Variants in RALGPS1 observed in about 807,000 individuals in gnomAD.
RALGPS1 encodes the protein ras-specific guanine nucleotide-releasing factor RalGPS1.
A neutral mutation model predicts 78.8 loss-of-function variants in RALGPS1; 19 were observed. The observed-to-expected ratio is 0.24, with a 90% CI of 0.17 to 0.35. The LOEUF is 0.35. Ranked by LOEUF, RALGPS1 falls within the 10% of genes least tolerant of loss-of-function variation. The probability of loss-of-function intolerance (pLI) is 1.00; values close to 1 mark genes in which losing one functional copy is unlikely to be tolerated. For missense variants in RALGPS1, 454 were observed against 688.3 expected, an observed-to-expected ratio of 0.66 and a Z score of 3.81; for synonymous variants, 228 against 256.3, an observed-to-expected ratio of 0.89 and a Z score of 1.06.
At chr9:126,917,718 T>C (rs562369435) in intron 1 of RALGPS1, among the ~76,000 whole-genome samples, 10 of 152,238 alleles carry the variant, frequency 6.6e-5, no homozygotes, top group Non-Finnish European at 1.5e-4. Flanking sequence ...TGCCTGCCCA[T>C]CTTTCAACAC....
At chr9:127,067,250 A>G (rs1045919850) in intron 7 of RALGPS1, among the ~76,000 whole-genome samples, 3 of 152,168 alleles carry the variant, frequency 2.0e-5, no homozygotes, top group Admixed American at 6.5e-5. Context: ...GCATCTGTGT[A>G]GCATCCCCAC....
rs2060396473 is a variant in RALGPS1, at chr9:127,183,186, C to A, written c.910+8404C>A. Among the ~76,000 whole-genome samples the A allele has an allele frequency of 6.6e-6, 1 of 152,178 alleles. No homozygotes were observed. The highest frequency in any genetic ancestry group is 1.5e-5 in the Non-Finnish European group (1 of 68,032). The stretch of plus-strand genomic sequence containing the variant: ...TCACCCCACCAGGCCTCGCCTCCAA[C>A]ACTGGGAATCACATTTCAACATGAC... On this transcript the variant is annotated intron_variant, in intron 11 of 18. Transcript: ENST00000259351. The surrounding 1 kb of genome is among the most constrained non-coding windows in gnomAD (Gnocchi z 4.0).
intron 4 of RALGPS1, among the ~76,000 whole-genome samples, chr9:126,991,465 A>G (rs1441005632): frequency 6.6e-6 from 1 of 152,222 alleles, no homozygotes; most frequent in Non-Finnish European, 1.5e-5. Context: ...AATAAATAAC[A>G]CAAAACAGAG....
At chr9:127,092,346 G>A (rs867589524) in intron 8 of RALGPS1, among the ~76,000 whole-genome samples, 48 of 152,230 alleles carry the variant, frequency 3.2e-4, no homozygotes, top group Admixed American at 7.2e-4. Context: ...TGTGTGTGAG[G>A]GTCACGTGTA....
At chr9:127,184,863 T>C (rs2140263591) in intron 11 of RALGPS1, among the ~76,000 whole-genome samples, 1 of 152,348 alleles carries the variant, frequency 6.6e-6, no homozygotes, top group African/African-American at 2.4e-5. Context: ...TAATTTCTGA[T>C]GTGCGATACT....
intron 5 of RALGPS1, among the ~76,000 whole-genome samples, chr9:127,034,941 T>C (rs1440077356): frequency 5.3e-5 from 8 of 152,164 alleles, no homozygotes; most frequent in Admixed American, 4.6e-4. Context: ...TCCTCCCTGT[T>C]CAACTTCCAG....
chr9:127,108,126 C>T (rs771975009), intron 8 of RALGPS1: 10 of 1,613,670 alleles, frequency 6.2e-6, no homozygotes, highest in Non-Finnish European at 8.5e-6. Flanking sequence ...TCTGGCAGTG[C>T]TCCTCAAGCT....
At chr9:127,145,759 A>G (rs565697268) in intron 8 of RALGPS1, among the ~76,000 whole-genome samples, 15 of 152,304 alleles carry the variant, frequency 9.8e-5, no homozygotes, top group African/African-American at 3.4e-4. Flanking sequence ...TTCCTATTCA[A>G]TGAGATTTGA....
At chr9:126,933,602 G>A (rs1183141053) in intron 1 of RALGPS1, among the ~76,000 whole-genome samples, 1 of 152,176 alleles carries the variant, frequency 6.6e-6, no homozygotes, top group Non-Finnish European at 1.5e-5. Context: ...TGTGGGAGGG[G>A]AAGGCCAGGT....
At chr9:127,038,234 A>G (rs1194947766) in intron 5 of RALGPS1, among the ~76,000 whole-genome samples, 1 of 152,220 alleles carries the variant, frequency 6.6e-6, no homozygotes, top group African/African-American at 2.4e-5. Context: ...AACTTATTGA[A>G]TCAGATACTA....
chr9:127,172,490 A>G (rs918145823), intron 10 of RALGPS1, among the ~76,000 whole-genome samples: 3 of 152,108 alleles, frequency 2.0e-5, no homozygotes, highest in Non-Finnish European at 4.4e-5. Flanking sequence ...CCTTTTGTTT[A>G]TATCTTTGAC....
chr9:127,129,697 TGTTGGGG>T lies in RALGPS1; in HGVS notation c.611-36368_611-36362del, dbSNP rs138481582. 2.4e-3 allele frequency among the ~76,000 whole-genome samples: 365 copies of T among 152,272 alleles called. 3 individuals are homozygous for T. Among genetic ancestry groups the T allele is most frequent in the African/African-American group, 8.3e-3 (347 of 41,560 alleles). ...CGACCTTTCTGACTAGTAGGTCTGA[TGTTGGGG>T]GTTTCAGGGGCACCCACATAGGCCC... On this transcript the variant is annotated intron_variant, in intron 8 of 18. Coordinates refer to ENST00000259351, the MANE Select transcript of RALGPS1 (RefSeq NM_014636.3).
intron 8 of RALGPS1, among the ~76,000 whole-genome samples, chr9:127,083,706 A>G (rs1046577944): frequency 6.6e-6 from 1 of 152,106 alleles, no homozygotes; most frequent in African/African-American, 2.4e-5. Context: ...TTTTGAGCCT[A>G]CTCTGTGGAC....
chr9:127,157,818 C>T (rs1389025033), intron 8 of RALGPS1, among the ~76,000 whole-genome samples: 3 of 151,986 alleles, frequency 2.0e-5, no homozygotes, highest in Non-Finnish European at 2.9e-5. Flanking sequence ...TTTAATATTC[C>T]ACATTTGTTG....
chr9:127,200,156 G>T (rs959334107), intron 14 of RALGPS1, among the ~76,000 whole-genome samples: 9 of 151,840 alleles, frequency 5.9e-5, no homozygotes, highest in Admixed American at 2.0e-4. Context: ...ATGCATACAC[G>T]CACACACACA....
chr9:127,055,113 A>T (rs62580848), intron 7 of RALGPS1, among the ~76,000 whole-genome samples: 3,721 of 152,164 alleles, frequency 0.024, 48 homozygotes, highest in Middle Eastern at 0.048. Context: ...ATATTCACCT[A>T]GCTCCCTTCC....
At chr9:127,034,099 T>TCTGTG (rs1253673099) in intron 4 of RALGPS1, among the ~76,000 whole-genome samples, 6 of 152,196 alleles carry the variant, frequency 3.9e-5, no homozygotes, top group African/African-American at 7.2e-5. Flanking sequence ...GTTAAAACAT[T>TCTGTG]TCTGTGCCCC....
At chr9:127,053,639 A>G (rs181929612) in intron 7 of RALGPS1, among the ~76,000 whole-genome samples, 118 of 152,266 alleles carry the variant, frequency 7.7e-4, no homozygotes, top group African/African-American at 2.7e-3. Context: ...ACCTGTTTAT[A>G]TCCCACGGAA....
At chr9:127,111,898 A>T (rs1035604681) in intron 8 of RALGPS1, among the ~76,000 whole-genome samples, 1 of 152,222 alleles carries the variant, frequency 6.6e-6, no homozygotes, top group South Asian at 2.1e-4. Context: ...TTTTACTAGT[A>T]AAAGGGTATT....
Sources: allele counts gnomAD v4.1 joint callset (sites outside exome capture counted in the v4.1 genomes callset), GRCh38; gene constraint gnomAD v4.1.1; non-coding constraint Gnocchi (gnomAD v3.1); transcripts MANE v1.5; gene names NCBI Gene and HGNC (gene_info 2026-07-23, HGNC 2026-07-21).